IL1RAPL1: variants seen among roughly 807,000 people sequenced by gnomAD.
The protein encoded by IL1RAPL1 is interleukin 1 receptor accessory protein like 1.
In IL1RAPL1, 3 loss-of-function variants were observed where a neutral mutation model predicts 48.4. The observed-to-expected ratio is 0.06, with a 90% CI of 0.03 to 0.16. The LOEUF (loss-of-function observed/expected upper bound fraction) is 0.16, where lower values mean the gene tolerates loss of function less well. Among genes scored for constraint, IL1RAPL1 ranks in the 10% least tolerant of loss-of-function variants. IL1RAPL1 has a pLI of 1.00. For synonymous variants in IL1RAPL1, 185 were observed against 187.7 expected (o/e 0.99, Z 0.12); for missense variants, 349 against 530.6 (o/e 0.66, Z 3.36).
chrX:29,432,366 G>A (rs1335556853), intron 5 of IL1RAPL1, among the ~76,000 whole-genome samples: 1 of 111,345 alleles, frequency 9.0e-6, no homozygotes, highest in East Asian at 2.8e-4. Context: ...TAATCATCAA[G>A]CAAGATAGTA....
At chrX:29,940,387 C>G (rs1184972706) in intron 8 of IL1RAPL1, among the ~76,000 whole-genome samples, 1 of 111,912 alleles carries the variant, frequency 8.9e-6, no homozygotes, top group African/African-American at 3.3e-5. Flanking sequence ...TTTTAAAGTT[C>G]TCAGTCTAAG....
chrX:29,152,081 C>T (rs754766209), intron 2 of IL1RAPL1, among the ~76,000 whole-genome samples: 2 of 111,308 alleles, frequency 1.8e-5, no homozygotes, highest in South Asian at 3.8e-4. Flanking sequence ...ACAATCATGG[C>T]GGAAGGCAAA....
chrX:29,615,016 T>C (rs1282302506), intron 5 of IL1RAPL1, among the ~76,000 whole-genome samples: 2 of 111,428 alleles, frequency 1.8e-5, no homozygotes, highest in African/African-American at 6.5e-5. Flanking sequence ...TTCTCAGAAT[T>C]CTAAAATCTT....
intron 6 of IL1RAPL1, among the ~76,000 whole-genome samples, chrX:29,729,518 TAAG>T (rs1252564840): frequency 9.0e-6 from 1 of 111,220 alleles, no homozygotes; most frequent in Non-Finnish European, 1.9e-5. Flanking sequence ...TTCATCTTGA[TAAG>T]AAATACCTAG....
At chrX:29,449,714 G>A (rs1426861087) in intron 5 of IL1RAPL1, among the ~76,000 whole-genome samples, 2 of 98,790 alleles carry the variant, frequency 2.0e-5, no homozygotes, top group Non-Finnish European at 4.0e-5. Flanking sequence ...TTTTAAACAA[G>A]AGTAACTTAT....
intron 6 of IL1RAPL1, among the ~76,000 whole-genome samples, chrX:29,691,224 T>G (rs143240180): frequency 0.022 from 2,418 of 111,701 alleles, 63 homozygotes; most frequent in African/African-American, 0.075. Flanking sequence ...TCCAGCTCAT[T>G]TAAGTGCATT....
At chrX:28,983,391 C>T (rs1925389232) in intron 2 of IL1RAPL1, among the ~76,000 whole-genome samples, 1 of 112,092 alleles carries the variant, frequency 8.9e-6, no homozygotes, top group South Asian at 3.7e-4. Context: ...TTAAAATTAT[C>T]CAAATGTTCA....
chrX:29,347,532 G>A (rs910694080), intron 3 of IL1RAPL1, among the ~76,000 whole-genome samples: 2 of 107,490 alleles, frequency 1.9e-5, no homozygotes, highest in Non-Finnish European at 3.8e-5. Context: ...GGGACCACAG[G>A]CACATGTCAC....
chrX:28,748,540 A>G (rs1230902350), intron 1 of IL1RAPL1, among the ~76,000 whole-genome samples: 3 of 112,123 alleles, frequency 2.7e-5, no homozygotes, highest in Non-Finnish European at 5.6e-5. Context: ...ACCTTTTCAC[A>G]AAATAATATT....
chrX:29,265,147 A>G (rs1043136586), intron 2 of IL1RAPL1, among the ~76,000 whole-genome samples: 27 of 111,050 alleles, frequency 2.4e-4, no homozygotes, highest in Non-Finnish European at 4.7e-4. Flanking sequence ...TCCTGGCCTC[A>G]GGTGATCCGC....
At chrX:29,809,776 C>CTT (rs200768948) in intron 6 of IL1RAPL1, among the ~76,000 whole-genome samples, 106 of 94,802 alleles carry the variant, frequency 1.1e-3, no homozygotes, top group African/African-American at 3.7e-3. Flanking sequence ...AAGTCGTTAA[C>CTT]TTTTTTTTTT....
At chrX:28,946,243 G>T (rs750385440) in intron 2 of IL1RAPL1, among the ~76,000 whole-genome samples, 42 of 110,207 alleles carry the variant, frequency 3.8e-4, no homozygotes, top group Admixed American at 1.1e-3. Context: ...CAGTCATTCG[G>T]TTATCTTTCT....
At chrX:29,947,461 G>C (rs995933483) in intron 9 of IL1RAPL1, among the ~76,000 whole-genome samples, 1 of 111,340 alleles carries the variant, frequency 9.0e-6, no homozygotes, top group East Asian at 2.8e-4. Flanking sequence ...TGAAGAAAGA[G>C]ATCTCCTAGT....
chrX:28,886,041 A>G (rs141132146), intron 2 of IL1RAPL1, among the ~76,000 whole-genome samples: 21 of 110,818 alleles, frequency 1.9e-4, no homozygotes, highest in African/African-American at 6.9e-4. Flanking sequence ...TTTATACTGT[A>G]TAAACCACAG....
intron 1 of IL1RAPL1, among the ~76,000 whole-genome samples, chrX:28,616,288 C>G (rs1304145802): frequency 8.9e-6 from 1 of 112,247 alleles, no homozygotes. Flanking sequence ...AGACTTCTCA[C>G]CACTTCTGTT....
chrX:28,995,809 T>C (rs1216359306), intron 2 of IL1RAPL1, among the ~76,000 whole-genome samples: 1 of 110,782 alleles, frequency 9.0e-6, no homozygotes, highest in African/African-American at 3.3e-5. Context: ...AAGGCTAACT[T>C]TGGGGGAAAT....
At chrX:29,268,474 G>C (rs750624192) in intron 2 of IL1RAPL1, among the ~76,000 whole-genome samples, 1 of 111,465 alleles carries the variant, frequency 9.0e-6, no homozygotes, top group East Asian at 2.8e-4. Context: ...CAAATACAAA[G>C]ATAAGAACTT....
In IL1RAPL1 at chrX:29,399,246, A is replaced by T. The variant is rs191378384; in HGVS notation, c.641A>T (p.Tyr214Phe). Residue 214 changes from tyrosine to phenylalanine, a missense_variant, in exon 5 of 11, where the codon TAT becomes TTT. Coordinates refer to ENST00000378993, the MANE Select transcript of IL1RAPL1 (RefSeq NM_014271.4). ...GTCAGAGAAGATGACATTGGAAATT[A>T]TACCTGTGAATTAAAATATGGAGGC... is the stretch of plus-strand genomic sequence containing the variant. ...REVREDDIGN[Y>F]TCELKYGGFV... is the part of the protein sequence containing the mutation. The T allele has an allele frequency of 2.0e-5, 24 of 1,196,513 alleles. No homozygotes were observed. In the African/African-American group the frequency reaches 3.0e-4, roughly 15 times the overall value.
At chrX:29,527,793 A>G (rs1296850848) in intron 5 of IL1RAPL1, among the ~76,000 whole-genome samples, 1 of 112,448 alleles carries the variant, frequency 8.9e-6, no homozygotes, top group Non-Finnish European at 1.9e-5. Flanking sequence ...TGTCCTTAAT[A>G]TATAAAGAAC....
Sources: gnomAD v4.1 joint callset for allele counts (sites outside exome capture counted in the v4.1 genomes callset) on GRCh38, gnomAD v4.1.1 for gene constraint, MANE v1.5 for transcripts, NCBI Gene and HGNC (gene_info 2026-07-23, HGNC 2026-07-21) for gene names.